The following SHANK2 variants were observed in gnomAD, a reference collection of about 807,000 sequenced individuals.
SHANK2 encodes the protein SH3 and multiple ankyrin repeat domains protein 2.
A neutral mutation model predicts 133.7 loss-of-function variants in SHANK2; 43 were observed. That is an observed-to-expected ratio of 0.32 (90% CI 0.25 to 0.41). The LOEUF (loss-of-function observed/expected upper bound fraction) is 0.41. Among genes scored for constraint, SHANK2 ranks in the 10% least tolerant of loss-of-function variants. SHANK2 has a pLI of 1.00. For missense variants in SHANK2, 1,994 were observed against 2,235.8 expected, an observed-to-expected ratio of 0.89 and a Z score of 2.18; for synonymous variants, 1,017 against 952.8, an observed-to-expected ratio of 1.07 and a Z score of -1.24.
At chr11:70,516,873 G>A (rs2059272741) in intron 17 of SHANK2, among the ~76,000 whole-genome samples, 1 of 152,118 alleles carries the variant, frequency 6.6e-6, no homozygotes, top group South Asian at 2.1e-4. Context: ...AGGAGTTCAA[G>A]ACCAGCCTGG....
At chr11:70,743,819 GTCTT>G (rs1312125936) in intron 14 of SHANK2, among the ~76,000 whole-genome samples, 3 of 152,110 alleles carry the variant, frequency 2.0e-5, no homozygotes, top group Admixed American at 2.0e-4. Flanking sequence ...GCTCCAAAAC[GTCTT>G]TCTTTCTCAG....
chr11:70,741,231 G>GCATCCATCCATCCATCCATC, intron 14 of SHANK2, among the ~76,000 whole-genome samples: 1 of 143,314 alleles, frequency 7.0e-6, no homozygotes, highest in African/African-American at 2.7e-5. Context: ...ATTTAACCAT[G>GCATCCATCCATCCATCCATC]CATCCATCCA....
intron 2 of SHANK2, among the ~76,000 whole-genome samples, chr11:71,169,292 T>C (rs1953257961): frequency 6.6e-6 from 1 of 152,220 alleles, no homozygotes; most frequent in African/African-American, 2.4e-5. Context: ...ATAGCTCAAG[T>C]TAGATTTCAC....
At chr11:71,085,826 A>T (rs1365072692) in intron 8 of SHANK2, among the ~76,000 whole-genome samples, 20 of 78 alleles carry the variant, frequency 0.26, 2 homozygotes, top group African/African-American at 0.29. Flanking sequence ...TATATTATAT[A>T]ATAATATTAT....
intron 17 of SHANK2, among the ~76,000 whole-genome samples, chr11:70,645,341 G>T (rs1466665324): frequency 2.6e-5 from 4 of 152,140 alleles, no homozygotes; most frequent in Admixed American, 2.0e-4. Flanking sequence ...GCTGTCTAGG[G>T]GGGCTATAGG....
intron 8 of SHANK2, among the ~76,000 whole-genome samples, chr11:71,085,912 A>AT (rs1951394993): frequency 0.017 from 2 of 116 alleles, no homozygotes; most frequent in Admixed American, 0.5. Flanking sequence ...ATTATATATT[A>AT]ATATAACATA....
intron 14 of SHANK2, among the ~76,000 whole-genome samples, chr11:70,707,377 A>T (rs1474505363): frequency 6.9e-6 from 1 of 145,372 alleles, no homozygotes; most frequent in Admixed American, 6.8e-5. Flanking sequence ...CATCTCAAAA[A>T]AAAAAAAAAA....
At chr11:70,770,949 G>A (rs1947237581) in intron 14 of SHANK2, among the ~76,000 whole-genome samples, 1 of 92,518 alleles carries the variant, frequency 1.1e-5, no homozygotes, top group African/African-American at 4.0e-5. Context: ...TTTTTTGACA[G>A]GGTCTCACTC....
rs1555002113 is a variant in SHANK2, at chr11:70,631,408, A to ACACACACACACACACACC, written c.2061+28419_2061+28420insGGTGTGTGTGTGTGTGTG. 4.0e-5 allele frequency among the ~76,000 whole-genome samples: 6 copies of ACACACACACACACACACC among 148,802 alleles called. No individual in the cohort carries two copies. In the South Asian group the frequency reaches 6.4e-4, roughly 16 times the overall value. On this transcript the variant is annotated intron_variant, in intron 17 of 25. Coordinates refer to ENST00000601538, the MANE Select transcript of SHANK2 (RefSeq NM_012309.5). ...CACACACACACACACACACACACACACCCACACAACCTCCCTCCCACCTGC... is the reference window on the plus strand; with the variant it reads ...CACACACACACACACACACACACACACACACACACACACACACCCCCACACAACCTCCCTCCCACCTGC...
At chr11:70,756,974 C>T (rs1378861734) in intron 14 of SHANK2, among the ~76,000 whole-genome samples, 1 of 152,162 alleles carries the variant, frequency 6.6e-6, no homozygotes, top group Admixed American at 6.5e-5. Flanking sequence ...TCCTTGCGCC[C>T]CCGTCTGCAA....
At position 70,487,830 on chromosome 11, in the gene SHANK2, AC is replaced by A; in HGVS notation, c.2573-111del. 5 of 1,543,980 alleles carry A rather than the reference AC, an allele frequency of 3.2e-6. No homozygotes were observed. The highest frequency in any genetic ancestry group is 2.0e-4 in the Middle Eastern group (1 of 5,036). Reference sequence around the variant, plus strand: ...ACAAACTCACAAATTCAGATGATGAACCGGATGTTCAGGAAACACAGCACAA... The same window carrying A: ...ACAAACTCACAAATTCAGATGATGAACGGATGTTCAGGAAACACAGCACAA... On this transcript the variant is annotated intron_variant, in intron 24 of 25. Coordinates refer to ENST00000601538, the MANE Select transcript of SHANK2 (RefSeq NM_012309.5). This position sits in a 1 kb window ranked among gnomAD's most constrained non-coding sequence, Gnocchi z 5.8.
At chr11:71,165,695 T>C (rs1348073108) in intron 2 of SHANK2, among the ~76,000 whole-genome samples, 1 of 152,148 alleles carries the variant, frequency 6.6e-6, no homozygotes, top group Non-Finnish European at 1.5e-5. Flanking sequence ...TGGTAATCAT[T>C]CACCTTGAAA....
intron 14 of SHANK2, among the ~76,000 whole-genome samples, chr11:70,787,445 A>G (rs1384438137): frequency 2.0e-5 from 3 of 149,060 alleles, no homozygotes; most frequent in Admixed American, 1.3e-4. Flanking sequence ...TGTCATCACC[A>G]AGACCACCAC....
intron 21 of SHANK2, among the ~76,000 whole-genome samples, chr11:70,493,464 A>AT (rs34242934): frequency 0.018 from 2,537 of 140,304 alleles, 51 homozygotes; most frequent in African/African-American, 0.057. Context: ...TTTGCAGCAC[A>AT]TTTTTTTTTT....
At chr11:71,210,220 A>ATGTATG (rs1954230788) in intron 2 of SHANK2, among the ~76,000 whole-genome samples, 1 of 58,822 alleles carries the variant, frequency 1.7e-5, no homozygotes, top group African/African-American at 7.2e-5. Flanking sequence ...GTATATATAT[A>ATGTATG]TATATATATA....
At chr11:71,237,263 A>G (rs1211892430) in intron 1 of SHANK2, among the ~76,000 whole-genome samples, 1 of 152,210 alleles carries the variant, frequency 6.6e-6, no homozygotes, top group Non-Finnish European at 1.5e-5. Context: ...GGCAACTTGC[A>G]GAACCATGAG....
chr11:70,628,248 T>C (rs1317891385), intron 17 of SHANK2, among the ~76,000 whole-genome samples: 4 of 152,156 alleles, frequency 2.6e-5, no homozygotes, highest in African/African-American at 7.2e-5. Context: ...TTCTTAAAAC[T>C]GAAGATCTCC....
intron 10 of SHANK2, among the ~76,000 whole-genome samples, chr11:70,907,466 C>T (rs782591003): frequency 2.0e-5 from 3 of 152,180 alleles, no homozygotes; most frequent in African/African-American, 7.2e-5. Flanking sequence ...CAACCTCCCC[C>T]CTTCTCAGGC....
intron 1 of SHANK2, among the ~76,000 whole-genome samples, chr11:71,232,318 C>G (rs1008858830): frequency 2.6e-5 from 4 of 152,178 alleles, no homozygotes; most frequent in African/African-American, 4.8e-5. Context: ...GCGTCAACAT[C>G]AGCATCCCGG....
Sources: allele counts gnomAD v4.1 joint callset (sites outside exome capture counted in the v4.1 genomes callset), GRCh38; gene constraint gnomAD v4.1.1; non-coding constraint Gnocchi (gnomAD v3.1); transcripts MANE v1.5; gene names NCBI Gene and HGNC (gene_info 2026-07-23, HGNC 2026-07-21).